ZNF804B: variants seen among roughly 807,000 people sequenced by gnomAD.
The protein encoded by ZNF804B is zinc finger 804B.
In ZNF804B, 80 loss-of-function variants were observed where a neutral mutation model predicts 101.4. That is an observed-to-expected ratio of 0.79 (90% CI 0.66 to 0.95). The LOEUF (loss-of-function observed/expected upper bound fraction) is 0.95, where lower values mean the gene tolerates loss of function less well. Ranked by LOEUF, ZNF804B falls within the 40% of genes least tolerant of loss-of-function variation. The pLI is 0.00. For synonymous variants in ZNF804B, 622 were observed against 558.8 expected (o/e 1.11, Z -1.59); for missense variants, 1,673 against 1,561.9 (o/e 1.07, Z -1.20).
At chr7:89,000,853 T>C (rs28512243) in intron 1 of ZNF804B, among the ~76,000 whole-genome samples, 1 of 149,246 alleles carries the variant, frequency 6.7e-6, no homozygotes, top group African/African-American at 2.5e-5. Flanking sequence ...TTTATATATA[T>C]AGAGAGATAT....
intron 1 of ZNF804B, among the ~76,000 whole-genome samples, chr7:89,196,341 A>T (rs180704114): frequency 3.9e-5 from 6 of 152,164 alleles, no homozygotes; most frequent in Middle Eastern, 3.4e-3. Flanking sequence ...TACAACCATG[A>T]GATCTTTGAC....
At chr7:89,210,660 G>T (rs1788789207) in intron 1 of ZNF804B, among the ~76,000 whole-genome samples, 1 of 152,168 alleles carries the variant, frequency 6.6e-6, no homozygotes, top group African/African-American at 2.4e-5. Context: ...CCATGTCCCT[G>T]CAAAGGACAT....
intron 1 of ZNF804B, among the ~76,000 whole-genome samples, chr7:88,961,891 A>G (rs1180058207): frequency 6.6e-6 from 1 of 151,388 alleles, no homozygotes; most frequent in African/African-American, 2.4e-5. Context: ...CATATCTCCT[A>G]TGAAAAGGGG....
At chr7:89,169,439 C>T (rs1027790632) in intron 1 of ZNF804B, among the ~76,000 whole-genome samples, 4 of 152,102 alleles carry the variant, frequency 2.6e-5, no homozygotes, top group Non-Finnish European at 4.4e-5. Context: ...TTAGTGAGCC[C>T]TCTTTACTAC....
At chr7:88,779,596 G>A (rs1238528793) in intron 1 of ZNF804B, among the ~76,000 whole-genome samples, 1 of 149,970 alleles carries the variant, frequency 6.7e-6, no homozygotes, top group African/African-American at 2.5e-5. Flanking sequence ...ACAACCTTAA[G>A]CTGGAGACAC....
At chr7:89,021,931 C>G (rs1320265073) in intron 1 of ZNF804B, among the ~76,000 whole-genome samples, 1 of 152,146 alleles carries the variant, frequency 6.6e-6, no homozygotes, top group Non-Finnish European at 1.5e-5. Flanking sequence ...AGTAATGCTG[C>G]TGTGTGAATT....
At chr7:88,860,906 C>A (rs924967909) in intron 1 of ZNF804B, among the ~76,000 whole-genome samples, 1 of 152,000 alleles carries the variant, frequency 6.6e-6, no homozygotes, top group African/African-American at 2.4e-5. Context: ...TTGAATGGTA[C>A]AGTTTTATGC....
At chr7:89,250,263 T>G (rs1789518330) in intron 2 of ZNF804B, among the ~76,000 whole-genome samples, 1 of 151,938 alleles carries the variant, frequency 6.6e-6, no homozygotes, top group Non-Finnish European at 1.5e-5. Flanking sequence ...ATGTTACAAT[T>G]GATTCCACAG....
intron 1 of ZNF804B, among the ~76,000 whole-genome samples, chr7:89,109,503 A>T (rs10250056): frequency 0.28 from 42,611 of 152,072 alleles, 6,257 homozygotes; most frequent in Non-Finnish European, 0.32. Context: ...GGGCCATAAC[A>T]CAGCCCTTTG....
At chr7:89,076,520 T>A (rs770040467) in intron 1 of ZNF804B, among the ~76,000 whole-genome samples, 3 of 152,192 alleles carry the variant, frequency 2.0e-5, no homozygotes, top group Non-Finnish European at 4.4e-5. Context: ...GTCTCAGGTA[T>A]GTCTTCATCA....
chr7:89,017,881 G>T (rs1160044427), intron 1 of ZNF804B, among the ~76,000 whole-genome samples: 1 of 151,822 alleles, frequency 6.6e-6, no homozygotes, highest in Non-Finnish European at 1.5e-5. Context: ...CTGCAATTTT[G>T]CTGACTCTGT....
intron 1 of ZNF804B, among the ~76,000 whole-genome samples, chr7:89,001,317 G>A (rs1000093406): frequency 6.6e-6 from 1 of 150,844 alleles, no homozygotes; most frequent in Non-Finnish European, 1.5e-5. Flanking sequence ...GCTATATTTA[G>A]TCATTTCACA....
intron 1 of ZNF804B, among the ~76,000 whole-genome samples, chr7:88,825,432 C>A (rs528371653): frequency 2.6e-5 from 4 of 152,150 alleles, no homozygotes; most frequent in African/African-American, 9.6e-5. Context: ...ACATACCAAT[C>A]AGACACTCTG....
chr7:89,299,785 T>C (rs896586232), intron 2 of ZNF804B, among the ~76,000 whole-genome samples: 1 of 152,056 alleles, frequency 6.6e-6, no homozygotes, highest in Non-Finnish European at 1.5e-5. Flanking sequence ...TCTTAAAATG[T>C]ATCAGTTTAT....
intron 1 of ZNF804B, among the ~76,000 whole-genome samples, chr7:88,825,430 A>G (rs1290721909): frequency 2.6e-5 from 4 of 151,930 alleles, no homozygotes; most frequent in South Asian, 2.1e-4. Context: ...AGACATACCA[A>G]TCAGACACTC....
chr7:89,024,661 GAAA>G (rs67321242), intron 1 of ZNF804B, among the ~76,000 whole-genome samples: 56 of 70,116 alleles, frequency 8.0e-4, no homozygotes, highest in Admixed American at 4.8e-3. Flanking sequence ...TATCATTCTT[GAAA>G]AAAAAAAAAA....
chr7:89,327,144 A>G (rs958656083), intron 2 of ZNF804B, among the ~76,000 whole-genome samples, 200 bp from the exon 3 acceptor site: 2 of 146,502 alleles, frequency 1.4e-5, no homozygotes, highest in African/African-American at 5.5e-5. Flanking sequence ...CAAGCTTGGA[A>G]AAATAACCTG....
At chr7:89,272,135 A>G (rs1019244683) in intron 2 of ZNF804B, among the ~76,000 whole-genome samples, 2 of 152,110 alleles carry the variant, frequency 1.3e-5, no homozygotes, top group Admixed American at 6.6e-5. Flanking sequence ...TTCTCCCAAC[A>G]TATCATTCTC....
chr7:88,759,741 C>A lies in ZNF804B; in HGVS notation c.-236C>A, dbSNP rs1196401455. ...CAGCATGTGGACTGGCTCGCCGGGT[C>A]CCCTCCGTGCTCTGTGCTGTCGCCG... On this transcript the variant is annotated 5_prime_UTR_variant, in exon 1 of 4. Transcript: ENST00000333190. 3 of 549,782 alleles carry A rather than the reference C, an allele frequency of 5.5e-6. No homozygotes were observed. The East Asian group carries it at 9.0e-5, about 16-fold the overall frequency. 34.1% of individuals were successfully genotyped at this position (549,782 alleles called of 1,614,324 possible).
Sources: allele counts gnomAD v4.1 joint callset (sites outside exome capture counted in the v4.1 genomes callset), GRCh38; gene constraint gnomAD v4.1.1; transcripts MANE v1.5; gene names NCBI Gene and HGNC (gene_info 2026-07-23, HGNC 2026-07-21).